ABCB5: variants seen among roughly 807,000 people sequenced by gnomAD.
ABCB5 encodes the protein ATP-binding cassette sub-family B member 5.
A neutral mutation model predicts 144.2 loss-of-function variants in ABCB5; 155 were observed. The ratio of observed to expected loss-of-function variants is 1.08; its 90% CI spans 0.94 to 1.23. ABCB5 has a LOEUF of 1.23. Among genes scored for constraint, ABCB5 ranks in the 50% most tolerant of loss-of-function variants. The pLI is 0.00. For missense variants in ABCB5, 1,830 were observed against 1,520.8 expected (o/e 1.20, Z -3.38); for synonymous variants, 610 against 528.6 (o/e 1.15, Z -2.11).
intron 25 of ABCB5, among the ~76,000 whole-genome samples, chr7:20,744,942 T>C (rs569967853): frequency 2.0e-5 from 3 of 152,192 alleles, no homozygotes; most frequent in Non-Finnish European, 2.9e-5. Flanking sequence ...CATGGCTGTG[T>C]GCAAGATGAC....
intron 16 of ABCB5, among the ~76,000 whole-genome samples, chr7:20,691,419 T>C (rs766886455): frequency 1.3e-5 from 2 of 151,744 alleles, no homozygotes; most frequent in African/African-American, 2.4e-5. Flanking sequence ...AGGTTCTCCT[T>C]TGAGTCTTCA....
chr7:20,667,557 A>C (rs949868223), intron 14 of ABCB5: 4 of 972,778 alleles, frequency 4.1e-6, no homozygotes, highest in African/African-American at 1.8e-5. Flanking sequence ...CATACACATT[A>C]ATTTGAGAAC....
At chr7:20,625,158 C>G (rs185864056) in intron 2 of ABCB5, among the ~76,000 whole-genome samples, 1 of 152,144 alleles carries the variant, frequency 6.6e-6, no homozygotes, top group African/African-American at 2.4e-5. Context: ...GTAAAGCATT[C>G]TTTTGTCATC....
intron 21 of ABCB5, among the ~76,000 whole-genome samples, chr7:20,726,172 A>G (rs1423512561): frequency 6.6e-6 from 1 of 152,218 alleles, no homozygotes; most frequent in African/African-American, 2.4e-5. Context: ...AGAAGTATTC[A>G]TCACATTTGA....
intron 7 of ABCB5, among the ~76,000 whole-genome samples, chr7:20,643,852 T>C (rs1359857597): frequency 1.3e-5 from 2 of 152,238 alleles, no homozygotes; most frequent in African/African-American, 2.4e-5. Flanking sequence ...CTTACTAACA[T>C]TGAAAACATT....
Position 20,723,084 on chromosome 7 carries a change from C to T in ABCB5, c.2490C>T (p.Ser830=). Residue 830 remains serine (S), a synonymous_variant, in exon 21 of 28, where the codon TCC becomes TCT. Coordinates refer to ENST00000404938, the MANE Select transcript of ABCB5 (RefSeq NM_001163941.2). ...ACATGGGACTTTCAGTTATCATTTCCTTTATATATGGATGGGAGATGACAT... is the reference window on the plus strand; with the variant it reads ...ACATGGGACTTTCAGTTATCATTTCTTTTATATATGGATGGGAGATGACAT... The part of the protein sequence containing the change: ...ATNMGLSVII[S]FIYGWEMTFL... 6.2e-7 allele frequency: 1 copy of T among 1,614,032 alleles called. No homozygotes were observed. The highest frequency in any genetic ancestry group is 8.5e-7 in the Non-Finnish European group (1 of 1,179,996).
intron 14 of ABCB5, among the ~76,000 whole-genome samples, chr7:20,681,058 CTCTTTCTT>C (rs869158355): frequency 0.014 from 659 of 47,490 alleles, 17 homozygotes; most frequent in East Asian, 0.031. Context: ...CTCTCTCTCT[CTCTTTCTT>C]TCTTTCTTTC....
intron 24 of ABCB5, among the ~76,000 whole-genome samples, chr7:20,741,646 A>AT (rs1232354605): frequency 2.8e-4 from 42 of 152,054 alleles, no homozygotes; most frequent in African/African-American, 4.8e-4. Context: ...ATATCATAAA[A>AT]TTTTTTTTGT....
intron 14 of ABCB5, among the ~76,000 whole-genome samples, chr7:20,661,628 T>C (rs1262556067): frequency 6.6e-6 from 1 of 150,912 alleles, no homozygotes; most frequent in Non-Finnish European, 1.5e-5. Flanking sequence ...CTCCGCCTCC[T>C]GGGATAAGCA....
chr7:20,676,115 C>T (rs981233005), intron 14 of ABCB5, among the ~76,000 whole-genome samples: 1 of 151,230 alleles, frequency 6.6e-6, no homozygotes, highest in African/African-American at 2.4e-5. Flanking sequence ...ATGGAGGTTC[C>T]AGAAATAATT....
Position 20,718,474 on chromosome 7 carries a change from G to C in ABCB5, c.2422-4542G>C, listed in dbSNP as rs78357081. ...TTTTCAGTATTTCATAGTTTTTTGA[G>C]TGTTTGCTGTTGTGTGTTTTTACTT... On this transcript the variant is annotated intron_variant, in intron 20 of 27. Coordinates refer to ENST00000404938, the MANE Select transcript of ABCB5 (RefSeq NM_001163941.2). 2.0e-3 allele frequency among the ~76,000 whole-genome samples: 298 copies of C among 152,254 alleles called. 1 individual carries two copies. Among genetic ancestry groups the C allele is most frequent in the Non-Finnish European group, 3.3e-3 (226 of 68,020 alleles).
chr7:20,744,910 GTTAT>G (rs1326844206), intron 25 of ABCB5, among the ~76,000 whole-genome samples: 1 of 152,110 alleles, frequency 6.6e-6, no homozygotes, highest in Non-Finnish European at 1.5e-5. Flanking sequence ...TAAGAGTGTT[GTTAT>G]TTATTTATGT....
chr7:20,623,170 A>C (rs1562525573), intron 1 of ABCB5, 95 bp from the exon 2 acceptor site: 1 of 763,600 alleles, frequency 1.3e-6, no homozygotes, highest in African/African-American at 1.8e-5. Context: ...TTCCTTTTTC[A>C]AACTGTGAGA....
chr7:20,629,510 C>A (rs1783985913), intron 4 of ABCB5, among the ~76,000 whole-genome samples: 1 of 152,028 alleles, frequency 6.6e-6, no homozygotes, highest in South Asian at 2.1e-4. Flanking sequence ...TGCCTGTAAT[C>A]CTGCACTTTG....
intron 16 of ABCB5, among the ~76,000 whole-genome samples, chr7:20,691,465 A>G (rs532749645): frequency 2.6e-5 from 4 of 152,018 alleles, no homozygotes; most frequent in Admixed American, 1.3e-4. Flanking sequence ...TGAGGAAACT[A>G]CCAGAGGCAG....
intron 23 of ABCB5, among the ~76,000 whole-genome samples, chr7:20,733,423 T>G (rs1782284770): frequency 6.6e-6 from 1 of 152,110 alleles, no homozygotes; most frequent in South Asian, 2.1e-4. Context: ...CCTACCATAC[T>G]TCCTGAATTT....
In ABCB5 at chr7:20,740,219, G is replaced by A. The variant is rs921189138; in HGVS notation, c.3024+1080G>A. 2.6e-5 allele frequency among the ~76,000 whole-genome samples: 4 copies of A among 152,162 alleles called. No homozygotes were observed. The East Asian group carries it at 5.8e-4, about 22-fold the overall frequency. On this transcript the variant is annotated intron_variant, in intron 24 of 27. Transcript: ENST00000404938. ...CACGCCACTGCACCCCAGCTTGGGC[G>A]ACAGAGCGAGACTTGCTCTCAAAAA... is the stretch of plus-strand genomic sequence containing the variant.
chr7:20,718,541 T>C, intron 20 of ABCB5, among the ~76,000 whole-genome samples: 1 of 152,196 alleles, frequency 6.6e-6, no homozygotes, highest in Non-Finnish European at 1.5e-5. Flanking sequence ...AATTGGAAAA[T>C]GGTTGAGTCA....
intron 14 of ABCB5, among the ~76,000 whole-genome samples, chr7:20,664,110 TAAAAG>T (rs568771858): frequency 4.6e-5 from 7 of 151,174 alleles, no homozygotes; most frequent in Non-Finnish European, 1.0e-4. Context: ...AATTAATAAA[TAAAAG>T]AATAGTGACA....
Sources: gnomAD v4.1 joint callset for allele counts (sites outside exome capture counted in the v4.1 genomes callset) on GRCh38, gnomAD v4.1.1 for gene constraint, MANE v1.5 for transcripts, NCBI Gene and HGNC (gene_info 2026-07-23, HGNC 2026-07-21) for gene names.